PSEN2: variants seen among roughly 807,000 people sequenced by gnomAD.
PSEN2 encodes presenilin-2.
Under a neutral mutation model 49.1 loss-of-function variants are expected in PSEN2, and 32 were observed. That is an observed-to-expected ratio of 0.65 (90% CI 0.49 to 0.88). The LOEUF (loss-of-function observed/expected upper bound fraction) is 0.88. Among genes scored for constraint, PSEN2 ranks in the 40% least tolerant of loss-of-function variants. The pLI, the probability that PSEN2 is intolerant of heterozygous loss-of-function variation, is 0.00. For synonymous variants in PSEN2, 255 were observed against 244.0 expected, an observed-to-expected ratio of 1.05 and a Z score of -0.42; for missense variants, 522 against 586.9, an observed-to-expected ratio of 0.89 and a Z score of 1.14.
chr1:226,889,169 G>A lies in PSEN2; in HGVS notation c.787+120G>A, dbSNP rs1259924834. ...TTGCATCCCTTTCTGCAGAGGCCTGGGTGGGATCCCTCCTGAGAGAGTCGC... is the reference window on the plus strand; with the variant it reads ...TTGCATCCCTTTCTGCAGAGGCCTGAGTGGGATCCCTCCTGAGAGAGTCGC... On this transcript the variant is annotated intron_variant, in intron 8 of 12. Coordinates refer to ENST00000366783, the MANE Select transcript of PSEN2 (RefSeq NM_000447.3). The A allele has an allele frequency of 2.1e-5, 19 of 904,826 alleles. No homozygotes were observed. The South Asian group carries it at 3.0e-4, about 14-fold the overall frequency. 56.0% of individuals were successfully genotyped at this position (904,826 alleles called of 1,614,324 possible).
At position 226,888,170 on chromosome 1, in the gene PSEN2, A is replaced by G; in HGVS notation, c.566+12A>G. 1.9e-6 allele frequency: 3 copies of G among 1,606,838 alleles called. No homozygotes were observed. Among genetic ancestry groups the G allele is most frequent in the Non-Finnish European group, 2.6e-6 (3 of 1,173,392 alleles). On this transcript the variant is annotated intron_variant, in intron 7 of 12. Coordinates refer to ENST00000366783, the MANE Select transcript of PSEN2 (RefSeq NM_000447.3). ...TATATCTACCTTGGGTAAGTGACAG[A>G]TAAGCAGCAGGGTCCCTGGGAGCCC...
At chr1:226,903,463 A>G (rs1354371734) in intron 12 of PSEN2, 2 of 152,220 alleles carry the variant, frequency 1.3e-5, no homozygotes, top group Admixed American at 6.5e-5. Flanking sequence ...ATTAATCGGA[A>G]TAAAATGCTC....
chr1:226,902,408 G>A (rs868201451), intron 12 of PSEN2, among the ~76,000 whole-genome samples: 3 of 152,080 alleles, frequency 2.0e-5, no homozygotes, highest in Non-Finnish European at 2.9e-5. Context: ...ATGGCTTACC[G>A]TGGGCCCTGG....
chr1:226,895,631 A>C lies in PSEN2; in HGVS notation c.*52A>C, dbSNP rs774092766. ...GCTGCAGGGAATTTTCATTGGATGCAGTTGTATAGTTTTACACTCTAGTGC... is the reference window on the plus strand; with the variant it reads ...GCTGCAGGGAATTTTCATTGGATGCCGTTGTATAGTTTTACACTCTAGTGC... On this transcript the variant is annotated 3_prime_UTR_variant, in exon 13 of 13. Coordinates refer to ENST00000366783, the MANE Select transcript of PSEN2 (RefSeq NM_000447.3). The C allele has an allele frequency of 1.9e-6, 3 of 1,560,594 alleles. No individual in the cohort carries two copies. Among genetic ancestry groups the C allele is most frequent in the Non-Finnish European group, 8.7e-7 (1 of 1,145,968 alleles).
intron 6 of PSEN2, among the ~76,000 whole-genome samples, chr1:226,887,847 G>A (rs770503400): frequency 5.9e-5 from 9 of 152,146 alleles, no homozygotes; most frequent in Non-Finnish European, 1.3e-4. Context: ...GGGGGAGACC[G>A]CAAGGCTATG....
At chr1:226,885,419 G>A in intron 5 of PSEN2, 119 bp from the exon 6 acceptor site, 2 of 1,151,730 alleles carry the variant, frequency 1.7e-6, no homozygotes, top group Non-Finnish European at 1.2e-6. Flanking sequence ...CATCAGGGCA[G>A]CATGTGGGCA....
chr1:226,893,985 G>A lies in PSEN2; in HGVS notation c.1073-22G>A, dbSNP rs201985133. 64 of 1,585,848 alleles carry A rather than the reference G, an allele frequency of 4.0e-5. No individual in the cohort carries two copies. The African/African-American group carries it at 7.8e-4, about 19-fold the overall frequency. The stretch of plus-strand genomic sequence containing the variant: ...TTCTGTGCACGCCTCTTCAGTACGG[G>A]TTACTGTCTCTCCTCACACAGGGGG... On this transcript the variant is annotated intron_variant, in intron 11 of 12. Coordinates refer to ENST00000366783, the MANE Select transcript of PSEN2 (RefSeq NM_000447.3).
chr1:226,879,512 G>A (rs1660844944), intron 3 of PSEN2, among the ~76,000 whole-genome samples: 1 of 152,098 alleles, frequency 6.6e-6, no homozygotes, highest in Non-Finnish European at 1.5e-5. Flanking sequence ...ACTCCTCCCT[G>A]GCATGGCCCA....
rs145747167 is a variant in PSEN2, at chr1:226,902,909, G to T, written c.1192-5613G>T. ...GCCTACCCCACCCTCCAGTACTCCA[G>T]AGCCTACTCGGAGGGGAACAGAAAC... On this transcript the variant is annotated intron_variant, in intron 12 of 14. Transcript: ENST00000676945. 3.0e-3 allele frequency among the ~76,000 whole-genome samples: 458 copies of T among 152,286 alleles called. 3 individuals are homozygous for T. Among genetic ancestry groups the T allele is most frequent in the African/African-American group, 0.01 (422 of 41,530 alleles).
intron 5 of PSEN2, 98 bp from the exon 6 acceptor site, chr1:226,885,439 TC>T (rs1661291757): frequency 7.1e-7 from 1 of 1,402,986 alleles, no homozygotes; most frequent in African/African-American, 1.4e-5. Context: ...AGCATGGGCA[TC>T]CCAGGCACCT....
chr1:226,891,194 G>A (rs1443913345), intron 9 of PSEN2, 84 bp from the exon 10 acceptor site: 24 of 1,194,622 alleles, frequency 2.0e-5, no homozygotes, highest in Non-Finnish European at 2.8e-5. Context: ...GGCTTTCTGG[G>A]ACGCAGACTG....
chr1:226,875,786 A>G (rs191744468), intron 3 of PSEN2, among the ~76,000 whole-genome samples: 300 of 152,330 alleles, frequency 2.0e-3, no homozygotes, highest in Non-Finnish European at 3.3e-3. Context: ...TGACACAAGC[A>G]CGGCTGGGGA....
intron 8 of PSEN2, 37 bp downstream of exon 8, chr1:226,889,086 C>T (rs200409502): frequency 2.3e-5 from 37 of 1,578,324 alleles, no homozygotes; most frequent in Non-Finnish European, 2.6e-5. Context: ...GCAGTGGGGG[C>T]GATGTCCAGG....
chr1:226,895,397 G>A (rs755273692), intron 12 of PSEN2, 27 bp from the exon 13 acceptor site: 7 of 1,613,552 alleles, frequency 4.3e-6, no homozygotes, highest in South Asian at 1.1e-5. Flanking sequence ...GGATCACCAC[G>A]CTCACCCTCC....
downstream of PSEN2, chr1:226,899,581 A>T (rs1225727725): frequency 6.6e-6 from 1 of 152,232 alleles, no homozygotes. Flanking sequence ...GTTACACTGG[A>T]TCTCCTAAAA....
chr1:226,880,696 A>G (rs1467333340), intron 3 of PSEN2: 1 of 1,612,944 alleles, frequency 6.2e-7, no homozygotes, highest in East Asian at 2.2e-5. Flanking sequence ...AGTTCTTCCC[A>G]GCCCAGAAAC....
At chr1:226,878,399 C>T (rs1016145145) in intron 3 of PSEN2, among the ~76,000 whole-genome samples, 5 of 152,090 alleles carry the variant, frequency 3.3e-5, no homozygotes, top group South Asian at 4.1e-4. Context: ...TGAATGGAGA[C>T]GTGGGAATTG....
At chr1:226,892,077 G>T (rs575265724) in intron 11 of PSEN2, among the ~76,000 whole-genome samples, 2 of 152,328 alleles carry the variant, frequency 1.3e-5, no homozygotes, top group South Asian at 4.1e-4. Flanking sequence ...GCTGTGCTGG[G>T]TGAGGCCCAG....
Position 226,895,886 on chromosome 1 carries a change from C to A in PSEN2, c.*307C>A. 2.2e-6 allele frequency: 1 copy of A among 464,216 alleles called. No individual in the cohort carries two copies. Among genetic ancestry groups the A allele is most frequent in the Non-Finnish European group, 4.0e-6 (1 of 252,044 alleles). 28.8% of individuals were successfully genotyped at this position (464,216 alleles called of 1,614,324 possible). A position where few individuals can be genotyped will look rare whatever the true frequency, so the allele number is the denominator to read the frequency against. ...CATCCGGCATGAGGGCTGAGATGCG[C>A]AAAGAGTGTGCTCGGGAGTGGCCCC... On this transcript the variant is annotated 3_prime_UTR_variant, in exon 13 of 13. Coordinates refer to ENST00000366783, the MANE Select transcript of PSEN2 (RefSeq NM_000447.3).
Sources: gnomAD v4.1 joint callset for allele counts (sites outside exome capture counted in the v4.1 genomes callset) on GRCh38, gnomAD v4.1.1 for gene constraint, MANE v1.5 for transcripts, NCBI Gene and HGNC (gene_info 2026-07-23, HGNC 2026-07-21) for gene names.